TBCD: variants seen among roughly 807,000 people sequenced by gnomAD.
TBCD encodes the protein tubulin folding cofactor D.
A neutral mutation model predicts 169.3 loss-of-function variants in TBCD; 105 were observed. That is an observed-to-expected ratio of 0.62 (90% CI 0.53 to 0.73). The LOEUF (loss-of-function observed/expected upper bound fraction) is 0.73. Among genes scored for constraint, TBCD ranks in the 30% least tolerant of loss-of-function variants. TBCD has a pLI of 0.00. For synonymous variants in TBCD, 700 were observed against 643.9 expected, an observed-to-expected ratio of 1.09 and a Z score of -1.32; for missense variants, 1,444 against 1,600.1, an observed-to-expected ratio of 0.90 and a Z score of 1.66.
chr17:82,771,588 T>C (rs2048315745), intron 5 of TBCD, among the ~76,000 whole-genome samples: 1 of 152,154 alleles, frequency 6.6e-6, no homozygotes, highest in African/African-American at 2.4e-5. Flanking sequence ...CTGGCCAATT[T>C]TTGTGTCATT....
intron 8 of TBCD, among the ~76,000 whole-genome samples, chr17:82,798,782 C>A (rs77017987): frequency 0.099 from 15,053 of 152,216 alleles, 1,031 homozygotes; most frequent in South Asian, 0.29. Flanking sequence ...CTGCATCTTA[C>A]TGTGTCGCCC....
At chr17:82,907,659 T>G in intron 20 of TBCD, 102 bp from the exon 21 acceptor site, 8 of 1,279,224 alleles carry the variant, frequency 6.3e-6, no homozygotes, top group South Asian at 1.3e-5. Flanking sequence ...CGAGTGTACT[T>G]GGGGTTAGGG....
chr17:82,809,871 A>G (rs950238543), intron 12 of TBCD, 89 bp downstream of exon 12: 161 of 1,250,500 alleles, frequency 1.3e-4, no homozygotes, highest in Admixed American at 4.2e-4. Flanking sequence ...CTTGCTTTTC[A>G]TTGAGCTGTT....
intron 17 of TBCD, among the ~76,000 whole-genome samples, chr17:82,894,033 G>A (rs2059318353): frequency 1.9e-5 from 1 of 53,274 alleles, no homozygotes; most frequent in African/African-American, 1.3e-4. Context: ...CTTCCCTACT[G>A]GATGTCCTAA....
At chr17:82,937,892 TAC>T in intron 35 of TBCD, 155 bp from the exon 36 acceptor site, 2 of 1,528,146 alleles carry the variant, frequency 1.3e-6, no homozygotes, top group Non-Finnish European at 8.8e-7. Flanking sequence ...AGTGCAGATG[TAC>T]GCACACACAC....
chr17:82,756,985 G>A (rs558132823), intron 2 of TBCD, among the ~76,000 whole-genome samples: 2 of 152,160 alleles, frequency 1.3e-5, no homozygotes, highest in South Asian at 2.1e-4. Flanking sequence ...TGTAAGGGGT[G>A]TGGTTTCTTA....
intron 29 of TBCD, 39 bp downstream of exon 29, chr17:82,927,362 G>T: frequency 1.9e-6 from 3 of 1,599,234 alleles, no homozygotes; most frequent in African/African-American, 1.3e-5. Flanking sequence ...CTTCTGAGAA[G>T]CCCATCTATT....
In TBCD at chr17:82,760,063, C is replaced by T. The variant is rs146066602; in HGVS notation, c.235+3848C>T. 2.4e-4 allele frequency among the ~76,000 whole-genome samples: 36 copies of T among 151,602 alleles called. No homozygotes were observed. In the East Asian group the frequency reaches 6.2e-3, roughly 26 times the overall value. On this transcript the variant is annotated intron_variant, in intron 2 of 38. Coordinates refer to ENST00000355528, the MANE Select transcript of TBCD (RefSeq NM_005993.5). ...TAATTTTTGTATTTTTAGTAGAGAACGGTTTTCATCATGTTGGCCAGGATA... is the reference window on the plus strand; with the variant it reads ...TAATTTTTGTATTTTTAGTAGAGAATGGTTTTCATCATGTTGGCCAGGATA...
chr17:82,870,935 G>C lies in TBCD; in HGVS notation c.1475+555G>C, dbSNP rs142057963. Among the ~76,000 whole-genome samples, 12 of 152,392 alleles carry C rather than the reference G, an allele frequency of 7.9e-5. No homozygotes were observed. The East Asian group carries it at 2.1e-3, about 27-fold the overall frequency. On this transcript the variant is annotated intron_variant, in intron 14 of 38. Coordinates refer to ENST00000355528, the MANE Select transcript of TBCD (RefSeq NM_005993.5). ...TGTGTTTTTGTGGACCAGCACTTGA[G>C]AGAATGTTCAGTAGCAATAGCCTTC... is the stretch of plus-strand genomic sequence containing the variant.
intron 13 of TBCD, chr17:82,840,700 C>G (rs939739660): frequency 1.3e-5 from 2 of 152,322 alleles, no homozygotes; most frequent in African/African-American, 4.8e-5. Flanking sequence ...AAACCACCCT[C>G]CCCCCACTTT....
intron 16 of TBCD, among the ~76,000 whole-genome samples, chr17:82,891,152 G>A (rs537069816): frequency 2.2e-4 from 33 of 152,338 alleles, no homozygotes; most frequent in African/African-American, 7.7e-4. Flanking sequence ...CAGCCCAGTC[G>A]CATAGGGAGC....
intron 13 of TBCD, among the ~76,000 whole-genome samples, chr17:82,850,685 C>A (rs1188250586): frequency 6.6e-6 from 1 of 152,180 alleles, no homozygotes; most frequent in Non-Finnish European, 1.5e-5. Flanking sequence ...TGACCCCGGA[C>A]CCCCTACAGT....
At chr17:82,824,947 T>C (rs749360433) in intron 13 of TBCD, among the ~76,000 whole-genome samples, 13 of 152,314 alleles carry the variant, frequency 8.5e-5, no homozygotes, top group South Asian at 8.3e-4. Flanking sequence ...CTCTTTTTTT[T>C]TTCTTTTTGC....
At chr17:82,936,188 C>T (rs1285746974) in intron 34 of TBCD, among the ~76,000 whole-genome samples, 2 of 152,312 alleles carry the variant, frequency 1.3e-5, no homozygotes, top group South Asian at 4.1e-4. Flanking sequence ...CACGTCTTTT[C>T]CCTCTCTCTT....
At chr17:82,772,169 T>G (rs1052088582) in intron 5 of TBCD, among the ~76,000 whole-genome samples, 2 of 152,232 alleles carry the variant, frequency 1.3e-5, no homozygotes, top group African/African-American at 4.8e-5. Flanking sequence ...TTTGTTTACA[T>G]TCTCCTGCTC....
intron 6 of TBCD, among the ~76,000 whole-genome samples, chr17:82,772,791 G>A (rs1472053718): frequency 1.3e-5 from 2 of 152,162 alleles, no homozygotes; most frequent in Non-Finnish European, 2.9e-5. Flanking sequence ...GTCATCCCTG[G>A]GGTGCAGCCC....
In TBCD at chr17:82,921,592, G is replaced by A. The variant is rs1228580343; in HGVS notation, c.2178+15G>A. 6.2e-7 allele frequency: 1 copy of A among 1,613,344 alleles called. No individual in the cohort carries two copies. The highest frequency in any genetic ancestry group is 1.7e-5 in the Admixed American group (1 of 60,032). The stretch of plus-strand genomic sequence containing the variant: ...AGCAGATGAAGGTACAGTGAGCATG[G>A]GCGTTCCCGGCCGGCGCTGTGGCGG... On this transcript the variant is annotated intron_variant, in intron 25 of 38. Transcript: ENST00000355528.
intron 14 of TBCD, among the ~76,000 whole-genome samples, chr17:82,872,991 T>G (rs571829055): frequency 2.9e-5 from 4 of 137,996 alleles, no homozygotes; most frequent in African/African-American, 1.0e-4. Context: ...CGGCACCTCG[T>G]GGCCGACGGC....
In TBCD at chr17:82,772,468, G is replaced by A; in HGVS notation, c.599G>A (p.Ser200Asn). The A allele has an allele frequency of 6.2e-7, 1 of 1,613,936 alleles. No homozygotes were observed. Among genetic ancestry groups the A allele is most frequent in the Non-Finnish European group, 8.5e-7 (1 of 1,179,884 alleles). ...LQIAESYLIV[S>N]DKARDAAAVL... is the part of the protein sequence containing the mutation. The stretch of plus-strand genomic sequence containing the variant: ...TTCTTGCAGTCCTACTTGATTGTCA[G>A]TGACAAGGCCCGAGATGCAGCTGCT... Residue 200 changes from serine to asparagine, a missense_variant, in exon 6 of 39, where the codon AGT becomes AAT. By Grantham distance (46) the Ser-to-Asn change is conservative. Coordinates refer to ENST00000355528, the MANE Select transcript of TBCD (RefSeq NM_005993.5).
Sources: allele counts gnomAD v4.1 joint callset (sites outside exome capture counted in the v4.1 genomes callset), GRCh38; gene constraint gnomAD v4.1.1; transcripts MANE v1.5; gene names NCBI Gene and HGNC (gene_info 2026-07-23, HGNC 2026-07-21).